Variants in SLC39A10 observed in about 807,000 individuals in gnomAD.
SLC39A10 encodes the protein solute carrier family 39 member 10.
A neutral mutation model predicts 65.1 loss-of-function variants in SLC39A10; 13 were observed. The observed-to-expected ratio is 0.20, with a 90% CI of 0.13 to 0.32. The LOEUF (loss-of-function observed/expected upper bound fraction) is 0.32. Ranked by LOEUF, SLC39A10 falls within the 10% of genes least tolerant of loss-of-function variation. The probability of loss-of-function intolerance (pLI) is 1.00; values close to 1 mark genes in which losing one functional copy is unlikely to be tolerated. For synonymous variants in SLC39A10, 321 were observed against 342.2 expected, an observed-to-expected ratio of 0.94 and a Z score of 0.68; for missense variants, 831 against 1,018.4, an observed-to-expected ratio of 0.82 and a Z score of 2.50.
intron 1 of SLC39A10, among the ~76,000 whole-genome samples, chr2:195,674,260 C>G (rs1284939308): frequency 6.6e-6 from 1 of 151,996 alleles, no homozygotes; most frequent in Non-Finnish European, 1.5e-5. Flanking sequence ...AATGGTTACA[C>G]AGCTGACCAC....
In SLC39A10 at chr2:195,663,467, ACTACATTATAAAATGAG is replaced by A. The variant is rs766330525; in HGVS notation, c.-12+6187_-12+6203del. 1.3e-3 allele frequency among the ~76,000 whole-genome samples: 199 copies of A among 152,334 alleles called. 1 individual carries two copies. The highest frequency in any genetic ancestry group is 2.6e-3 in the Admixed American group (39 of 15,292). ...TAAATGAAACAATACATGGTGTGTT[ACTACATTATAAAATGAG>A]ATCAGTAAAACAATGTAAGAAAACG... On this transcript the variant is annotated intron_variant, in intron 1 of 9. Transcript: ENST00000359634.
chr2:195,682,924 T>G (rs969146079), intron 2 of SLC39A10, among the ~76,000 whole-genome samples: 6 of 151,186 alleles, frequency 4.0e-5, no homozygotes, highest in Middle Eastern at 3.5e-3. Context: ...TTTTGATGGG[T>G]TTTTTTTGGT....
chr2:195,730,216 G>A (rs188606471), intron 9 of SLC39A10, among the ~76,000 whole-genome samples: 46 of 152,058 alleles, frequency 3.0e-4, no homozygotes, highest in Admixed American at 1.7e-3. Context: ...CCATGGCATC[G>A]CTAAGTCTGC....
At chr2:195,641,461 C>T (rs1688810242) in intron 2 of SLC39A10, among the ~76,000 whole-genome samples, 1 of 152,010 alleles carries the variant, frequency 6.6e-6, no homozygotes, top group Non-Finnish European at 1.5e-5. Context: ...TAAAATGAGT[C>T]AACAGAAATT....
intron 4 of SLC39A10, among the ~76,000 whole-genome samples, chr2:195,707,402 C>T (rs1001531748): frequency 6.6e-6 from 1 of 152,090 alleles, no homozygotes; most frequent in Admixed American, 6.5e-5. Flanking sequence ...TTCACTCTTA[C>T]TATTTTTACT....
At chr2:195,689,345 G>A (rs1411151085) in intron 3 of SLC39A10, among the ~76,000 whole-genome samples, 6 of 152,026 alleles carry the variant, frequency 3.9e-5, no homozygotes, top group Admixed American at 2.6e-4. Context: ...TGACCTTAGC[G>A]TGGGAGGTTG....
chr2:195,703,260 A>G (rs1354289308), intron 3 of SLC39A10, among the ~76,000 whole-genome samples: 1 of 152,254 alleles, frequency 6.6e-6, no homozygotes. Context: ...ATCACAAGCA[A>G]ATAATTTAGA....
At chr2:195,692,235 T>C (rs6710622) in intron 3 of SLC39A10, among the ~76,000 whole-genome samples, 9,312 of 152,262 alleles carry the variant, frequency 0.061, 390 homozygotes, top group African/African-American at 0.12. Flanking sequence ...CCATGCTGTT[T>C]TGGTGGCTAT....
intron 2 of SLC39A10, among the ~76,000 whole-genome samples, chr2:195,631,490 C>T (rs192501207): frequency 2.0e-5 from 3 of 151,992 alleles, no homozygotes; most frequent in Non-Finnish European, 2.9e-5. Flanking sequence ...TATATTAATC[C>T]TTGCTGGGTC....
At chr2:195,724,812 T>G (rs888814159) in intron 8 of SLC39A10, among the ~76,000 whole-genome samples, 3 of 152,086 alleles carry the variant, frequency 2.0e-5, no homozygotes, top group African/African-American at 4.8e-5. Context: ...TTTAAAAATT[T>G]TATATGGAAA....
At chr2:195,682,587 C>T (rs953764737) in intron 2 of SLC39A10, among the ~76,000 whole-genome samples, 1 of 152,016 alleles carries the variant, frequency 6.6e-6, no homozygotes, top group Non-Finnish European at 1.5e-5. Flanking sequence ...ATTATTATGA[C>T]TTAGGATAAT....
In SLC39A10 at chr2:195,725,374, A is replaced by G. The variant is rs1025476843; in HGVS notation, c.2147-2785A>G. Among the ~76,000 whole-genome samples, 3 of 152,268 alleles carry G rather than the reference A, an allele frequency of 2.0e-5. No homozygotes were observed. The East Asian group carries it at 5.8e-4, about 29-fold the overall frequency. On this transcript the variant is annotated intron_variant, in intron 8 of 9. Transcript: ENST00000359634. Reference sequence around the variant, plus strand: ...TATTTGGACAATACATATCTGACAAAAGACTTCAATCATAGTAAAACAAAC... The same window carrying G: ...TATTTGGACAATACATATCTGACAAGAGACTTCAATCATAGTAAAACAAAC...
chr2:195,698,101 T>C (rs115014036), intron 3 of SLC39A10, among the ~76,000 whole-genome samples: 2,749 of 152,236 alleles, frequency 0.018, 75 homozygotes, highest in African/African-American at 0.062. Context: ...AATACTTTTT[T>C]GTGTGAAATC....
chr2:195,632,590 G>C (rs1368885598), intron 2 of SLC39A10, among the ~76,000 whole-genome samples: 1 of 152,078 alleles, frequency 6.6e-6, no homozygotes, highest in Non-Finnish European at 1.5e-5. Flanking sequence ...TTACAGGCAT[G>C]AGCCACCACA....
intron 2 of SLC39A10, among the ~76,000 whole-genome samples, chr2:195,629,102 A>T (rs1046404708): frequency 5.3e-5 from 8 of 152,152 alleles, no homozygotes; most frequent in Non-Finnish European, 1.0e-4. Flanking sequence ...CTCAAGAGTT[A>T]TCCTTGCCGG....
intron 2 of SLC39A10, among the ~76,000 whole-genome samples, chr2:195,628,107 T>C (rs1442433327): frequency 6.6e-6 from 1 of 152,218 alleles, no homozygotes; most frequent in African/African-American, 2.4e-5. Context: ...ACAGTAAATA[T>C]TTATGTACTA....
At position 195,641,199 on chromosome 2, in the gene SLC39A10, A is replaced by T. The variant is rs1381604079; in HGVS notation, c.-12+34966A>T. 2.0e-5 allele frequency among the ~76,000 whole-genome samples: 3 copies of T among 152,310 alleles called. No homozygotes were observed. The East Asian group carries it at 5.8e-4, about 29-fold the overall frequency. On this transcript the variant is annotated intron_variant, in intron 2 of 2. Coordinates refer to the SLC39A10 transcript ENST00000458054. ...AAGTGTATAGGAGGACACCTAACCC[A>T]GAGAGGGACAGGCAAGTTTATAGTG...
intron 1 of SLC39A10, among the ~76,000 whole-genome samples, chr2:195,660,056 G>A (rs1290070108): frequency 6.6e-6 from 1 of 151,742 alleles, no homozygotes. Flanking sequence ...TCGTGAGGGG[G>A]TACATACTGC....
In SLC39A10 at chr2:195,728,713, T is replaced by TA. The variant is rs1219836708; in HGVS notation, c.2337+365dup. ...AACAGGAGAGAAATACTATTCCTGTTAGGTAAGCCAGTCTTCTGGAAGGAA... is the reference window on the plus strand; with the variant it reads ...AACAGGAGAGAAATACTATTCCTGTTAAGGTAAGCCAGTCTTCTGGAAGGAA... On this transcript the variant is annotated intron_variant, in intron 9 of 9. Coordinates refer to ENST00000359634, the MANE Select transcript of SLC39A10 (RefSeq NM_020342.3). This position sits in a 1 kb window ranked among gnomAD's most constrained non-coding sequence, Gnocchi z 4.4. Among the ~76,000 whole-genome samples the TA allele has an allele frequency of 2.6e-5, 4 of 152,196 alleles. No homozygotes were observed. Among genetic ancestry groups the TA allele is most frequent in the Non-Finnish European group, 4.4e-5 (3 of 68,032 alleles).
Sources: gnomAD v4.1 joint callset for allele counts (sites outside exome capture counted in the v4.1 genomes callset) on GRCh38, gnomAD v4.1.1 for gene constraint, Gnocchi (gnomAD v3.1) non-coding constraint, MANE v1.5 for transcripts, NCBI Gene and HGNC (gene_info 2026-07-23, HGNC 2026-07-21) for gene names.